The following DOP1B variants were observed in gnomAD, a reference collection of about 807,000 sequenced individuals.
DOP1B encodes the protein DOP1 leucine zipper like protein B.
A neutral mutation model predicts 233.5 loss-of-function variants in DOP1B; 174 were observed. That is an observed-to-expected ratio of 0.75 (90% CI 0.66 to 0.85). The LOEUF (loss-of-function observed/expected upper bound fraction) is 0.85, where lower values mean the gene tolerates loss of function less well. Ranked by LOEUF, DOP1B falls within the 40% of genes least tolerant of loss-of-function variation. The pLI, the probability that DOP1B is intolerant of heterozygous loss-of-function variation, is 0.00. For missense variants in DOP1B, 2,652 were observed against 2,846.6 expected (o/e 0.93, Z 1.56); for synonymous variants, 1,190 against 1,185.6 (o/e 1.00, Z -0.08).
chr21:36,170,716 GC>G (rs2065965031), intron 2 of DOP1B: 1 of 151,466 alleles, frequency 6.6e-6, no homozygotes, highest in African/African-American at 2.4e-5. Flanking sequence ...GATCGCTTGA[GC>G]CCAGGAGATC....
At chr21:36,219,666 G>C (rs762845896) in intron 10 of DOP1B, among the ~76,000 whole-genome samples, 174 bp downstream of exon 10, 1 of 152,146 alleles carries the variant, frequency 6.6e-6, no homozygotes, top group South Asian at 2.1e-4. Flanking sequence ...GGAATTGACT[G>C]TTCCCTACTG....
intron 13 of DOP1B, among the ~76,000 whole-genome samples, chr21:36,228,822 A>G (rs532231640): frequency 2.8e-5 from 4 of 143,842 alleles, no homozygotes; most frequent in Admixed American, 2.8e-4. Context: ...ATAAAATAAA[A>G]TAAAAAGGCA....
chr21:36,229,151 T>C (rs1254235442), intron 13 of DOP1B, among the ~76,000 whole-genome samples: 1 of 152,190 alleles, frequency 6.6e-6, no homozygotes, highest in Non-Finnish European at 1.5e-5. Flanking sequence ...ATTTTGGTTA[T>C]TTCGAATATA....
intron 22 of DOP1B, among the ~76,000 whole-genome samples, chr21:36,253,438 C>A (rs58490930): frequency 6.6e-6 from 1 of 152,050 alleles, no homozygotes; most frequent in South Asian, 2.1e-4. Context: ...AGGCCGGGCG[C>A]GGTGGCGGCT....
chr21:36,286,877 T>C (rs2067490356), intron 32 of DOP1B, among the ~76,000 whole-genome samples: 2 of 151,940 alleles, frequency 1.3e-5, no homozygotes, highest in Non-Finnish European at 2.9e-5. Context: ...GGCAGGAGAA[T>C]TGCTTGAACC....
chr21:36,187,724 C>G (rs376302529), intron 2 of DOP1B, among the ~76,000 whole-genome samples: 59 of 152,298 alleles, frequency 3.9e-4, no homozygotes, highest in African/African-American at 1.4e-3. Context: ...CCTCCTGCCT[C>G]AGCCTCCCAA....
At chr21:36,291,863 T>A (rs1222776510) in intron 35 of DOP1B, among the ~76,000 whole-genome samples, 3 of 152,018 alleles carry the variant, frequency 2.0e-5, no homozygotes, top group Non-Finnish European at 4.4e-5. Context: ...GGTGCCTAGG[T>A]CTCAAGGGTA....
chr21:36,223,854 A>G (rs2066653024), intron 11 of DOP1B, among the ~76,000 whole-genome samples: 2 of 152,172 alleles, frequency 1.3e-5, no homozygotes, highest in Admixed American at 1.3e-4. Context: ...GTACCCCAGG[A>G]ATACCGAGCT....
chr21:36,270,271 G>A, intron 27 of DOP1B, 114 bp downstream of exon 27: 1 of 1,259,222 alleles, frequency 7.9e-7, no homozygotes, highest in Non-Finnish European at 1.1e-6. Flanking sequence ...ACTTAAGGTA[G>A]GCTGGGTGCG....
intron 2 of DOP1B, among the ~76,000 whole-genome samples, chr21:36,192,426 C>G (rs1163901585): frequency 6.7e-6 from 1 of 149,338 alleles, no homozygotes; most frequent in Non-Finnish European, 1.5e-5. Context: ...GTCGCCCAGG[C>G]TGGAGTACAG....
intron 9 of DOP1B, among the ~76,000 whole-genome samples, chr21:36,218,550 T>TA (rs1012781829): frequency 2.0e-5 from 3 of 151,858 alleles, no homozygotes; most frequent in African/African-American, 4.8e-5. Context: ...AATTCTATCT[T>TA]AAAAAAAATA....
intron 31 of DOP1B, 127 bp from the exon 32 acceptor site, chr21:36,281,356 T>C (rs2067413573): frequency 4.1e-6 from 4 of 977,442 alleles, no homozygotes; most frequent in South Asian, 2.1e-5. Flanking sequence ...AGTAATCTCA[T>C]GTCCTTACTT....
chr21:36,173,614 G>A (rs1386016138), intron 2 of DOP1B, among the ~76,000 whole-genome samples: 2 of 151,744 alleles, frequency 1.3e-5, no homozygotes, highest in African/African-American at 2.4e-5. Context: ...TAGTAGAGAC[G>A]GGGTTTCACC....
At chr21:36,278,860 ACT>A (rs1480728722) in intron 30 of DOP1B, among the ~76,000 whole-genome samples, 3 of 151,262 alleles carry the variant, frequency 2.0e-5, no homozygotes, top group East Asian at 2.0e-4. Flanking sequence ...CAAGAGTGAA[ACT>A]CTGTCTCAAA....
At chr21:36,241,888 CA>C (rs2066896109) in intron 18 of DOP1B, among the ~76,000 whole-genome samples, 1 of 150,798 alleles carries the variant, frequency 6.6e-6, no homozygotes, top group Non-Finnish European at 1.5e-5. Context: ...GCTAAGTAAG[CA>C]GAGGTGTGTG....
At chr21:36,254,549 C>T (rs1046509579) in intron 23 of DOP1B, among the ~76,000 whole-genome samples, 6 of 152,158 alleles carry the variant, frequency 3.9e-5, no homozygotes, top group African/African-American at 1.2e-4. Flanking sequence ...TACCCTCCCA[C>T]AGAGGCTGGG....
intron 14 of DOP1B, among the ~76,000 whole-genome samples, chr21:36,232,502 G>A (rs765940344): frequency 1.1e-4 from 16 of 152,102 alleles, no homozygotes; most frequent in African/African-American, 2.9e-4. Flanking sequence ...CATCAGTCCC[G>A]TCTCTGCCTT....
rs528820012 is a variant in DOP1B at position 36,292,606 on chromosome 21, T to C, written c.6645+373T>C. ...CCTGGCTAATTTTTGTTTTTTTGTT[T>C]TTGGGTTTTTTTTTTTTTTTTTTGA... is the stretch of plus-strand genomic sequence containing the variant. On this transcript the variant is annotated intron_variant, in intron 36 of 36. Transcript: ENST00000691173. 3.5e-5 allele frequency among the ~76,000 whole-genome samples: 5 copies of C among 141,816 alleles called. No homozygotes were observed. In the East Asian group the frequency reaches 1.0e-3, roughly 30 times the overall value. 93.0% of individuals were successfully genotyped at this position (141,816 alleles called of 152,430 possible). A position where few individuals can be genotyped will look rare whatever the true frequency, so the allele number is the denominator to read the frequency against.
chr21:36,203,085 G>A (rs1216317894), intron 4 of DOP1B, among the ~76,000 whole-genome samples: 1 of 152,216 alleles, frequency 6.6e-6, no homozygotes, highest in Non-Finnish European at 1.5e-5. Flanking sequence ...TGTTTTCTTA[G>A]TTGATAAATA....
Sources: gnomAD v4.1 joint callset for allele counts (sites outside exome capture counted in the v4.1 genomes callset) on GRCh38, gnomAD v4.1.1 for gene constraint, MANE v1.5 for transcripts, NCBI Gene and HGNC (gene_info 2026-07-23, HGNC 2026-07-21) for gene names.